DNAJC1: variants seen among roughly 807,000 people sequenced by gnomAD.
The protein encoded by DNAJC1 is dnaJ homolog subfamily C member 1.
In DNAJC1, 58 loss-of-function variants were observed where a neutral mutation model predicts 76.6. The observed-to-expected ratio is 0.76, with a 90% CI of 0.61 to 0.94. The LOEUF is 0.94. Ranked by LOEUF, DNAJC1 falls within the 40% of genes least tolerant of loss-of-function variation. The probability of loss-of-function intolerance (pLI) is 0.00; values close to 1 mark genes in which losing one functional copy is unlikely to be tolerated. For missense variants in DNAJC1, 689 were observed against 677.3 expected, an observed-to-expected ratio of 1.02 and a Z score of -0.19; for synonymous variants, 258 against 267.9, an observed-to-expected ratio of 0.96 and a Z score of 0.36.
intron 8 of DNAJC1, among the ~76,000 whole-genome samples, chr10:21,817,192 CTA>C (rs1245794076): frequency 7.0e-6 from 1 of 142,942 alleles, no homozygotes; most frequent in South Asian, 2.3e-4. Context: ...AATCAATAGA[CTA>C]TGTGTACATC....
At chr10:21,810,501 C>T (rs965413943) in intron 8 of DNAJC1, among the ~76,000 whole-genome samples, 1 of 152,176 alleles carries the variant, frequency 6.6e-6, no homozygotes, top group African/African-American at 2.4e-5. Flanking sequence ...ACCCATTGTT[C>T]TAAAATATCC....
At chr10:21,779,340 C>G (rs1834497114) in intron 9 of DNAJC1, among the ~76,000 whole-genome samples, 1 of 152,194 alleles carries the variant, frequency 6.6e-6, no homozygotes, top group African/African-American at 2.4e-5. Flanking sequence ...CTGGGAGGCA[C>G]CTCCCAGTAG....
At chr10:21,928,432 A>G (rs1482470393) in intron 3 of DNAJC1, 74 bp downstream of exon 3, 5 of 1,274,586 alleles carry the variant, frequency 3.9e-6, no homozygotes, top group Non-Finnish European at 5.6e-6. Flanking sequence ...AAAATGTTTA[A>G]GAAGACTTAA....
At chr10:21,762,511 T>A (rs1464432193) in intron 10 of DNAJC1, among the ~76,000 whole-genome samples, 4 of 152,256 alleles carry the variant, frequency 2.6e-5, no homozygotes, top group Non-Finnish European at 5.9e-5. Context: ...TGGCCAAGTT[T>A]ACCATGCTCT....
intron 11 of DNAJC1, among the ~76,000 whole-genome samples, chr10:21,758,875 G>A (rs535218370): frequency 6.6e-5 from 10 of 152,264 alleles, no homozygotes; most frequent in Admixed American, 3.9e-4. Context: ...AAACCTAGCC[G>A]GAGTGGGCGA....
chr10:21,828,926 T>A (rs1835308657), intron 8 of DNAJC1, among the ~76,000 whole-genome samples: 1 of 152,252 alleles, frequency 6.6e-6, no homozygotes, highest in African/African-American at 2.4e-5. Flanking sequence ...TATCTGCTCC[T>A]TGAAAGTGTG....
In DNAJC1 at chr10:21,803,149, C is replaced by T. The variant is rs11012790; in HGVS notation, c.1098+2831G>A. 2.5e-3 allele frequency among the ~76,000 whole-genome samples: 386 copies of T among 151,944 alleles called. 2 individuals carry two copies. Among genetic ancestry groups the T allele is most frequent in the Non-Finnish European group, 3.5e-3 (237 of 67,930 alleles). ...AATAAAAAGGTTTTTAACTGTAATC[C>T]GACAACCCAAATAAAGAATCACATA... On this transcript the variant is annotated intron_variant, in intron 9 of 11. Coordinates refer to ENST00000376980, the MANE Select transcript of DNAJC1 (RefSeq NM_022365.4).
chr10:21,766,238 A>G lies in DNAJC1; in HGVS notation c.1147+23T>C, dbSNP rs1420367902. On this transcript the variant is annotated intron_variant, in intron 10 of 11. Transcript: ENST00000376980. ...TAGAAGAAACCACTTTAGATTAATG[A>G]GATAGAGGAAGTATGAACTCACCTG... 1.9e-6 allele frequency: 3 copies of G among 1,561,616 alleles called. No individual in the cohort carries two copies. In the East Asian group the frequency reaches 6.7e-5, roughly 35 times the overall value.
intron 8 of DNAJC1, among the ~76,000 whole-genome samples, chr10:21,825,432 G>C (rs1214209724): frequency 6.6e-6 from 1 of 152,178 alleles, no homozygotes; most frequent in Non-Finnish European, 1.5e-5. Flanking sequence ...TCAATCTAGT[G>C]ATGAACATCT....
intron 8 of DNAJC1, among the ~76,000 whole-genome samples, chr10:21,837,876 G>A (rs1234515240): frequency 6.8e-6 from 1 of 146,144 alleles, no homozygotes; most frequent in Non-Finnish European, 1.5e-5. Flanking sequence ...GGAGGTGGGG[G>A]GCAGCCCCCG....
intron 7 of DNAJC1, among the ~76,000 whole-genome samples, chr10:21,895,424 T>C (rs1221331592): frequency 6.6e-6 from 1 of 152,234 alleles, no homozygotes; most frequent in East Asian, 1.9e-4. Flanking sequence ...TATTACTTTG[T>C]GGAAGGCAGA....
At chr10:21,896,035 G>T (rs1237779514) in intron 7 of DNAJC1, among the ~76,000 whole-genome samples, 4 of 152,204 alleles carry the variant, frequency 2.6e-5, no homozygotes, top group Non-Finnish European at 5.9e-5. Context: ...TACGTGAGTT[G>T]TGGAGACATG....
At chr10:21,772,960 C>T (rs557828543) in intron 9 of DNAJC1, among the ~76,000 whole-genome samples, 2 of 152,092 alleles carry the variant, frequency 1.3e-5, no homozygotes, top group East Asian at 1.9e-4. Flanking sequence ...GAACAGAGAG[C>T]GAGGGGGAAA....
chr10:21,941,203 A>G (rs1199623598), intron 1 of DNAJC1, among the ~76,000 whole-genome samples: 1 of 140,220 alleles, frequency 7.1e-6, no homozygotes, highest in Non-Finnish European at 1.5e-5. Context: ...CGGTAGGCAG[A>G]GCTTGCAGTG....
At chr10:21,884,154 T>A (rs544970644) in intron 7 of DNAJC1, among the ~76,000 whole-genome samples, 3 of 152,002 alleles carry the variant, frequency 2.0e-5, no homozygotes, top group Non-Finnish European at 4.4e-5. Context: ...AAGAGACAAA[T>A]AATAGATTTG....
At chr10:21,910,867 G>GAGAGA (rs1836846030) in intron 6 of DNAJC1, among the ~76,000 whole-genome samples, 1 of 144,872 alleles carries the variant, frequency 6.9e-6, no homozygotes, top group Non-Finnish European at 1.5e-5. Context: ...GAGAGGAGAG[G>GAGAGA]AGAGGAGAGG....
chr10:21,978,331 T>C (rs1487988444), intron 1 of DNAJC1, among the ~76,000 whole-genome samples: 1 of 152,088 alleles, frequency 6.6e-6, no homozygotes, highest in African/African-American at 2.4e-5. Flanking sequence ...GAAGCAACAT[T>C]TTGTAGAACT....
intron 9 of DNAJC1, among the ~76,000 whole-genome samples, chr10:21,770,801 T>C (rs1834365831): frequency 6.6e-6 from 1 of 152,220 alleles, no homozygotes; most frequent in South Asian, 2.1e-4. Flanking sequence ...TTCACTTTCT[T>C]GATGGTGTCC....
chr10:21,829,254 G>A (rs563907684), intron 8 of DNAJC1, among the ~76,000 whole-genome samples: 14 of 150,128 alleles, frequency 9.3e-5, no homozygotes, highest in East Asian at 3.9e-4. Flanking sequence ...TCGCTTTGTC[G>A]CCCAGGCTGG....
Sources: gnomAD v4.1 joint callset for allele counts (sites outside exome capture counted in the v4.1 genomes callset) on GRCh38, gnomAD v4.1.1 for gene constraint, MANE v1.5 for transcripts, NCBI Gene and HGNC (gene_info 2026-07-23, HGNC 2026-07-21) for gene names.